DYSF: variants seen among roughly 807,000 people sequenced by gnomAD.
DYSF encodes dysferlin, also known as dystrophy-associated fer-1-like 1.
A neutral mutation model predicts 274.9 loss-of-function variants in DYSF; 212 were observed. The observed-to-expected ratio is 0.77, with a 90% CI of 0.69 to 0.86. DYSF has a LOEUF of 0.86. Ranked by LOEUF, DYSF falls within the 40% of genes least tolerant of loss-of-function variation. DYSF has a pLI of 0.00. For synonymous variants in DYSF, 1,091 were observed against 1,078.7 expected, an observed-to-expected ratio of 1.01 and a Z score of -0.22; for missense variants, 2,666 against 2,783.2, an observed-to-expected ratio of 0.96 and a Z score of 0.95.
intron 52 of DYSF, among the ~76,000 whole-genome samples, chr2:71,676,927 GTA>G (rs1163033858): frequency 8.8e-5 from 9 of 101,904 alleles, no homozygotes; most frequent in African/African-American, 2.6e-4. Flanking sequence ...TAATGTGTGT[GTA>G]TGTGTGTGTG....
chr2:71,560,749 G>A (rs2091689999), intron 22 of DYSF, among the ~76,000 whole-genome samples: 1 of 152,162 alleles, frequency 6.6e-6, no homozygotes, highest in African/African-American at 2.4e-5. Context: ...TAAATCAGCC[G>A]GGAGCCGGGA....
At chr2:71,669,805 C>A (rs1203141001) in intron 51 of DYSF, 59 bp downstream of exon 51, 6 of 1,610,842 alleles carry the variant, frequency 3.7e-6, no homozygotes, top group Non-Finnish European at 5.1e-6. Flanking sequence ...GTTAGCCTGA[C>A]CTGACCACCA....
At position 71,646,999 on chromosome 2, in the gene DYSF, GAA is replaced by G. The variant is rs1459387332; in HGVS notation, c.4626+2939_4626+2940del. Among the ~76,000 whole-genome samples, 14 of 149,766 alleles carry G rather than the reference GAA, an allele frequency of 9.3e-5. 1 individual carries two copies. The highest frequency in any genetic ancestry group is 9.3e-4 in the Admixed American group (14 of 15,134). On this transcript the variant is annotated intron_variant, in intron 42 of 55. Coordinates refer to ENST00000410020, the MANE Select transcript of DYSF (RefSeq NM_001130987.2). ...ATAAATAAAAGATGTATATTTCAATGAAAAGACTCTCAAATATTTATGCATAG... is the reference window on the plus strand; with the variant it reads ...ATAAATAAAAGATGTATATTTCAATGAAGACTCTCAAATATTTATGCATAG...
intron 26 of DYSF, 106 bp from the exon 27 acceptor site, chr2:71,569,714 G>C (rs939453189): frequency 1.1e-4 from 100 of 919,368 alleles, no homozygotes; most frequent in Non-Finnish European, 1.6e-5. Context: ...TCTCATTGTT[G>C]GTTGGGGTGA....
intron 4 of DYSF, among the ~76,000 whole-genome samples, chr2:71,504,006 G>A (rs1157870838): frequency 6.6e-6 from 1 of 152,238 alleles, no homozygotes; most frequent in African/African-American, 2.4e-5. Flanking sequence ...GCCCTGTGAG[G>A]CCTGGGGGAT....
At chr2:71,519,745 A>G (rs760521662) in intron 10 of DYSF, among the ~76,000 whole-genome samples, 2 of 151,802 alleles carry the variant, frequency 1.3e-5, no homozygotes, top group Non-Finnish European at 2.9e-5. Flanking sequence ...CCTGGGTTCA[A>G]GTGATTCTCT....
intron 3 of DYSF, among the ~76,000 whole-genome samples, chr2:71,501,237 C>A (rs1204577283): frequency 6.6e-6 from 1 of 152,110 alleles, no homozygotes; most frequent in Non-Finnish European, 1.5e-5. Context: ...CCCCCTCTAT[C>A]CCCTTCTTTC....
intron 45 of DYSF, 63 bp downstream of exon 45, chr2:71,660,714 G>A: frequency 7.1e-7 from 1 of 1,408,706 alleles, no homozygotes; most frequent in Admixed American, 1.7e-5. Flanking sequence ...ACAGTCTAGT[G>A]GGGGAGATGT....
At chr2:71,660,691 G>A in intron 45 of DYSF, 40 bp downstream of exon 45, 1 of 1,560,964 alleles carries the variant, frequency 6.4e-7, no homozygotes, top group Non-Finnish European at 8.8e-7. Context: ...GGAGGAGCCA[G>A]ACAGGATAAC....
intron 17 of DYSF, among the ~76,000 whole-genome samples, chr2:71,540,336 C>G (rs1276198153): frequency 6.6e-6 from 1 of 151,962 alleles, no homozygotes; most frequent in Non-Finnish European, 1.5e-5. Flanking sequence ...GTCTCGAACT[C>G]CTGGCCTCAT....
At chr2:71,657,343 C>T (rs748191759) in intron 43 of DYSF, among the ~76,000 whole-genome samples, 1 of 152,182 alleles carries the variant, frequency 6.6e-6, no homozygotes, top group African/African-American at 2.4e-5. Context: ...GTACAGGCTC[C>T]CTCCTGGCTG....
intron 32 of DYSF, among the ~76,000 whole-genome samples, chr2:71,597,353 A>G (rs1164314917): frequency 6.6e-6 from 1 of 152,170 alleles, no homozygotes; most frequent in Non-Finnish European, 1.5e-5. Context: ...CCTCAAGGTG[A>G]CATCCCATTA....
intron 3 of DYSF, among the ~76,000 whole-genome samples, chr2:71,485,895 C>A (rs899292914): frequency 6.6e-6 from 1 of 152,128 alleles, no homozygotes; most frequent in Non-Finnish European, 1.5e-5. Flanking sequence ...CTCACTGCAA[C>A]CTCCGCCTCC....
chr2:71,653,359 A>G (rs2152933846), intron 42 of DYSF, among the ~76,000 whole-genome samples: 1 of 152,216 alleles, frequency 6.6e-6, no homozygotes, highest in Middle Eastern at 3.4e-3. Context: ...ACACATGCAC[A>G]CGTATGTTTA....
intron 32 of DYSF, among the ~76,000 whole-genome samples, chr2:71,591,597 A>G (rs2093268442): frequency 1.3e-5 from 2 of 152,254 alleles, no homozygotes; most frequent in South Asian, 4.1e-4. Flanking sequence ...TAGGTTAACT[A>G]AATGCTTGCA....
chr2:71,474,842 A>T (rs2082284569), intron 1 of DYSF, among the ~76,000 whole-genome samples: 2 of 152,222 alleles, frequency 1.3e-5, no homozygotes, highest in African/African-American at 4.8e-5. Flanking sequence ...AGCCTGGAGC[A>T]CCAGGAAATG....
At chr2:71,525,960 C>T (rs1053765728) in intron 12 of DYSF, among the ~76,000 whole-genome samples, 6 of 152,160 alleles carry the variant, frequency 3.9e-5, no homozygotes, top group African/African-American at 1.4e-4. Context: ...TGCTGTGTGC[C>T]ACGTGCATTT....
At chr2:71,610,564 G>A (rs2093734114) in intron 36 of DYSF, among the ~76,000 whole-genome samples, 1 of 152,160 alleles carries the variant, frequency 6.6e-6, no homozygotes, top group Non-Finnish European at 1.5e-5. Context: ...CAAACTCTTA[G>A]TAGGCCAGAA....
intron 3 of DYSF, among the ~76,000 whole-genome samples, chr2:71,483,722 C>T (rs1018548824): frequency 3.3e-5 from 5 of 152,174 alleles, no homozygotes; most frequent in African/African-American, 1.2e-4. Flanking sequence ...TAACTGTCAC[C>T]GTTACAGATG....
Sources: allele counts gnomAD v4.1 joint callset (sites outside exome capture counted in the v4.1 genomes callset), GRCh38; gene constraint gnomAD v4.1.1; transcripts MANE v1.5; gene names NCBI Gene and HGNC (gene_info 2026-07-23, HGNC 2026-07-21).